The following GRIA4 variants were observed in gnomAD, a reference collection of about 807,000 sequenced individuals.
GRIA4 encodes the protein glutamate receptor 4.
In GRIA4, 34 loss-of-function variants were observed where a neutral mutation model predicts 104.0. The ratio of observed to expected loss-of-function variants is 0.33; its 90% CI spans 0.25 to 0.44. The LOEUF is 0.44. Among genes scored for constraint, GRIA4 ranks in the 20% least tolerant of loss-of-function variants. The probability of loss-of-function intolerance (pLI) is 1.00; values close to 1 mark genes in which losing one functional copy is unlikely to be tolerated. For missense variants in GRIA4, 750 were observed against 1,096.5 expected (o/e 0.68, Z 4.46); for synonymous variants, 386 against 381.9 (o/e 1.01, Z -0.13).
intron 14 of GRIA4, among the ~76,000 whole-genome samples, chr11:105,942,188 T>C (rs189117153): frequency 6.6e-6 from 1 of 151,942 alleles, no homozygotes; most frequent in Admixed American, 6.6e-5. Context: ...TAGAATTGAA[T>C]AGGACCCAGG....
intron 4 of GRIA4, among the ~76,000 whole-genome samples, chr11:105,861,745 C>CA (rs1334733183): frequency 4.6e-5 from 7 of 151,972 alleles, no homozygotes; most frequent in South Asian, 2.1e-4. Flanking sequence ...TTTGTCTCAT[C>CA]AAAAAAATGT....
At chr11:105,823,927 T>C (rs1189297197) in intron 4 of GRIA4, among the ~76,000 whole-genome samples, 1 of 152,112 alleles carries the variant, frequency 6.6e-6, no homozygotes, top group African/African-American at 2.4e-5. Context: ...TAATCCAATT[T>C]GACTGATGTC....
chr11:105,859,568 C>A (rs370928322), intron 4 of GRIA4, among the ~76,000 whole-genome samples: 2 of 152,078 alleles, frequency 1.3e-5, no homozygotes, highest in South Asian at 2.1e-4. Context: ...AAAGTCATGT[C>A]AGCAGGAGAA....
intron 14 of GRIA4, among the ~76,000 whole-genome samples, chr11:105,963,883 T>C (rs1464558370): frequency 2.6e-5 from 4 of 152,118 alleles, no homozygotes; most frequent in Non-Finnish European, 5.9e-5. Context: ...ATAAGTTTAG[T>C]TTTATCAGAG....
intron 5 of GRIA4, among the ~76,000 whole-genome samples, chr11:105,864,305 C>A (rs750016096): frequency 1.3e-5 from 2 of 152,152 alleles, no homozygotes; most frequent in Non-Finnish European, 2.9e-5. Flanking sequence ...TGGTTTTACT[C>A]TTGGCTCTTC....
intron 3 of GRIA4, among the ~76,000 whole-genome samples, chr11:105,654,314 G>A (rs964124767): frequency 6.6e-6 from 1 of 150,600 alleles, no homozygotes; most frequent in Non-Finnish European, 1.5e-5. Flanking sequence ...AGTTAATGAC[G>A]ATGTATTGTA....
chr11:105,741,883 G>C (rs1939331882), intron 3 of GRIA4, among the ~76,000 whole-genome samples: 1 of 152,108 alleles, frequency 6.6e-6, no homozygotes, highest in Admixed American at 6.6e-5. Flanking sequence ...GGGAGAAGCA[G>C]GTCAAAGGGT....
intron 3 of GRIA4, among the ~76,000 whole-genome samples, chr11:105,622,693 T>A (rs1950780183): frequency 6.6e-6 from 1 of 151,942 alleles, no homozygotes; most frequent in African/African-American, 2.4e-5. Flanking sequence ...TTAATTTTTT[T>A]ACTTATATAA....
At chr11:105,700,952 A>T (rs1953467074) in intron 3 of GRIA4, among the ~76,000 whole-genome samples, 2 of 152,150 alleles carry the variant, frequency 1.3e-5, no homozygotes, top group Admixed American at 1.3e-4. Context: ...CTATCCATGA[A>T]CATTTATGCC....
rs754750569 is a variant in GRIA4, at chr11:105,910,509, T to C, written c.1233T>C (p.Ala411=). Residue 411 remains alanine, a synonymous_variant, in exon 10 of 17, where the codon GCT becomes GCC. Coordinates refer to ENST00000282499, the MANE Select transcript of GRIA4 (RefSeq NM_000829.4). The stretch of plus-strand genomic sequence containing the variant: ...CAACTCTTGGCAATGACACAGCTGC[T>C]ATTGAGAACAGAACAGTGGTTGTAA... The part of the protein sequence containing the change: ...DVPTLGNDTA[A]IENRTVVVTT... 1.3e-6 allele frequency: 2 copies of C among 1,587,256 alleles called. No individual in the cohort carries two copies. The highest frequency in any genetic ancestry group is 4.5e-5 in the East Asian group (2 of 44,724).
At chr11:105,783,838 T>C (rs1941841432) in intron 4 of GRIA4, among the ~76,000 whole-genome samples, 2 of 151,312 alleles carry the variant, frequency 1.3e-5, no homozygotes, top group South Asian at 4.2e-4. Flanking sequence ...GGCTGAAAGT[T>C]CAAGAGACAG....
intron 4 of GRIA4, among the ~76,000 whole-genome samples, chr11:105,836,335 G>A (rs1944184867): frequency 6.6e-6 from 1 of 152,106 alleles, no homozygotes; most frequent in Non-Finnish European, 1.5e-5. Flanking sequence ...TAATTTCAAT[G>A]TGAAGGCTAT....
intron 3 of GRIA4, among the ~76,000 whole-genome samples, chr11:105,644,559 G>T (rs938779160): frequency 6.6e-6 from 1 of 152,078 alleles, no homozygotes; most frequent in Non-Finnish European, 1.5e-5. Context: ...AGCTGAGATC[G>T]TGCAATCGCA....
chr11:105,659,587 T>C (rs530199354), intron 3 of GRIA4, among the ~76,000 whole-genome samples: 151 of 151,992 alleles, frequency 9.9e-4, no homozygotes, highest in Middle Eastern at 3.4e-3. Flanking sequence ...CATACCTCTA[T>C]GTTTATAGAT....
chr11:105,830,682 A>G (rs1251309704), intron 4 of GRIA4, among the ~76,000 whole-genome samples: 4 of 151,996 alleles, frequency 2.6e-5, no homozygotes, highest in Non-Finnish European at 4.4e-5. Flanking sequence ...CCTCACTTGC[A>G]GTTTTATCTA....
At chr11:105,970,620 T>G (rs564351800) in intron 14 of GRIA4, among the ~76,000 whole-genome samples, 1 of 152,330 alleles carries the variant, frequency 6.6e-6, no homozygotes, top group East Asian at 1.9e-4. Flanking sequence ...TCATTCTTAA[T>G]GCATTTCCTA....
intron 5 of GRIA4, among the ~76,000 whole-genome samples, chr11:105,868,637 A>G (rs2136042619): frequency 6.6e-6 from 1 of 152,258 alleles, no homozygotes; most frequent in Non-Finnish European, 1.5e-5. Context: ...AGATTATGGG[A>G]CACCTACATG....
chr11:105,842,891 G>C (rs753862446), intron 4 of GRIA4: 7 of 152,140 alleles, frequency 4.6e-5, no homozygotes, highest in Non-Finnish European at 7.4e-5. Flanking sequence ...AAGAGAAAAA[G>C]AACCAAATTT....
chr11:105,626,600 C>G (rs1211169828), intron 3 of GRIA4, among the ~76,000 whole-genome samples: 1 of 152,088 alleles, frequency 6.6e-6, no homozygotes, highest in South Asian at 2.1e-4. Flanking sequence ...AGGAAAACCT[C>G]TAAACACGAA....
Sources: allele counts gnomAD v4.1 joint callset (sites outside exome capture counted in the v4.1 genomes callset), GRCh38; gene constraint gnomAD v4.1.1; transcripts MANE v1.5; gene names NCBI Gene and HGNC (gene_info 2026-07-23, HGNC 2026-07-21).